UNC13B: variants seen among roughly 807,000 people sequenced by gnomAD.
UNC13B encodes the protein unc-13 homolog B, also known as protein unc-13 homolog B.
In UNC13B, 144 loss-of-function variants were observed where a neutral mutation model predicts 211.0. The observed-to-expected ratio is 0.68, with a 90% CI of 0.60 to 0.78. The LOEUF (loss-of-function observed/expected upper bound fraction) is 0.78. Among genes scored for constraint, UNC13B ranks in the 30% least tolerant of loss-of-function variants. The probability of loss-of-function intolerance (pLI) is 0.00; values close to 1 mark genes in which losing one functional copy is unlikely to be tolerated. For synonymous variants in UNC13B, 709 were observed against 725.8 expected (o/e 0.98, Z 0.37); for missense variants, 1,777 against 2,002.0 (o/e 0.89, Z 2.14).
intron 26 of UNC13B, 68 bp downstream of exon 26, chr9:35,390,782 C>T: frequency 6.9e-7 from 1 of 1,447,174 alleles, no homozygotes; most frequent in South Asian, 1.2e-5. Context: ...CTGTCCCTTT[C>T]CTCTTCTAGA....
At chr9:35,260,253 C>A (rs1205652541) in intron 7 of UNC13B, among the ~76,000 whole-genome samples, 1 of 151,926 alleles carries the variant, frequency 6.6e-6, no homozygotes, top group Non-Finnish European at 1.5e-5. Flanking sequence ...GCAGCTAACA[C>A]TATTGAGGTC....
intron 1 of UNC13B, among the ~76,000 whole-genome samples, chr9:35,193,085 C>A (rs1482570397): frequency 6.6e-6 from 1 of 152,146 alleles, no homozygotes; most frequent in African/African-American, 2.4e-5. Context: ...AAGTCCTCTG[C>A]CTGTGATTTC....
At chr9:35,223,999 A>T (rs1355398161) in intron 1 of UNC13B, among the ~76,000 whole-genome samples, 1 of 152,168 alleles carries the variant, frequency 6.6e-6, no homozygotes, top group Middle Eastern at 3.4e-3. Context: ...ATTCTATTCC[A>T]TTGGCTTGTG....
chr9:35,176,023 C>A (rs565781744), intron 1 of UNC13B, among the ~76,000 whole-genome samples: 486 of 39,304 alleles, frequency 0.012, no homozygotes, highest in Middle Eastern at 0.054. Context: ...AAGACTCTGT[C>A]TCAAAAAAAA....
At chr9:35,295,971 A>C (rs1366589998) in intron 8 of UNC13B, 41 bp downstream of exon 8, 7 of 1,538,050 alleles carry the variant, frequency 4.6e-6, no homozygotes. Context: ...CCTAATATCC[A>C]GGTCTCATGA....
chr9:35,199,242 C>T (rs1434971342), intron 1 of UNC13B, among the ~76,000 whole-genome samples: 1 of 152,150 alleles, frequency 6.6e-6, no homozygotes, highest in Non-Finnish European at 1.5e-5. Context: ...CGATCTATCA[C>T]TGATGGACAT....
At chr9:35,269,456 G>T (rs1169614889) in intron 7 of UNC13B, among the ~76,000 whole-genome samples, 1 of 152,134 alleles carries the variant, frequency 6.6e-6, no homozygotes, top group Non-Finnish European at 1.5e-5. Flanking sequence ...AAACCCCTTT[G>T]GCTGGGGTTT....
chr9:35,297,250 G>A (rs560221282), intron 8 of UNC13B, among the ~76,000 whole-genome samples: 28 of 151,736 alleles, frequency 1.8e-4, no homozygotes, highest in Middle Eastern at 3.4e-3. Context: ...CACCATGCCC[G>A]GCTAATTTTT....
chr9:35,389,712 T>C, intron 24 of UNC13B, 134 bp from the exon 25 acceptor site: 1 of 897,918 alleles, frequency 1.1e-6, no homozygotes, highest in Non-Finnish European at 1.7e-6. Context: ...GAAGACAGGC[T>C]CTAGGAGAGG....
intron 1 of UNC13B, among the ~76,000 whole-genome samples, chr9:35,204,213 G>A (rs1360797586): frequency 6.6e-6 from 1 of 152,236 alleles, no homozygotes; most frequent in Admixed American, 6.5e-5. Flanking sequence ...TGAGGCTTGG[G>A]AGCCTCCATC....
intron 3 of UNC13B, among the ~76,000 whole-genome samples, chr9:35,233,506 A>G (rs2131514874): frequency 2.0e-5 from 3 of 151,694 alleles, no homozygotes; most frequent in Middle Eastern, 6.8e-3. Flanking sequence ...ATCCTGTCCT[A>G]TTTTAGTTAT....
At chr9:35,214,658 G>A (rs540343973) in intron 1 of UNC13B, among the ~76,000 whole-genome samples, 4 of 152,138 alleles carry the variant, frequency 2.6e-5, no homozygotes, top group East Asian at 3.9e-4. Context: ...GTTAATAGAA[G>A]TTCTCTAGGG....
In UNC13B at chr9:35,304,331, G is replaced by A. The variant is rs750689427; in HGVS notation, c.4927G>A (p.Asp1643Asn). ...VLKESSCDQSDQPLDFSGYNR... is the reference protein window; with the variant it reads ...VLKESSCDQSNQPLDFSGYNR... ...TAAAGAGTCAAGTTGTGACCAAAGCGATCAGCCACTAGATTTTTCAGGCTA... is the reference window on the plus strand; with the variant it reads ...TAAAGAGTCAAGTTGTGACCAAAGCAATCAGCCACTAGATTTTTCAGGCTA... The change falls in exon 9 of 40, where the codon GAT becomes AAT. Residue 1643 changes from aspartate to asparagine, a missense_variant. Transcript: ENST00000635942. The A allele has an allele frequency of 2.8e-5, 11 of 398,608 alleles. No individual in the cohort carries two copies. The Middle Eastern group carries it at 1.9e-3, about 69-fold the overall frequency. The allele number at this position is 398,608 out of a possible 1,614,324, so 24.7% of individuals were successfully genotyped here.
At chr9:35,323,499 C>G (rs1012548276) in intron 11 of UNC13B, among the ~76,000 whole-genome samples, 3 of 152,184 alleles carry the variant, frequency 2.0e-5, no homozygotes, top group Admixed American at 6.5e-5. Flanking sequence ...AAGCCCTACC[C>G]AAGAACAGGC....
chr9:35,353,928 T>A (rs868633722), intron 11 of UNC13B: 1 of 549,582 alleles, frequency 1.8e-6, no homozygotes, highest in Non-Finnish European at 2.7e-6. Flanking sequence ...GTCCATAGCT[T>A]GAATCAGGCT....
intron 34 of UNC13B, 28 bp from the exon 35 acceptor site, chr9:35,399,364 G>T (rs1302565191): frequency 1.2e-6 from 2 of 1,614,076 alleles, no homozygotes; most frequent in Admixed American, 1.7e-5. Context: ...GGGGTCCTCT[G>T]CTTTTGACTG....
At chr9:35,176,319 G>C (rs965071345) in intron 1 of UNC13B, among the ~76,000 whole-genome samples, 1 of 151,948 alleles carries the variant, frequency 6.6e-6, no homozygotes, top group African/African-American at 2.4e-5. Context: ...AGGCTGAGGC[G>C]GGTAGATCAC....
intron 7 of UNC13B, among the ~76,000 whole-genome samples, chr9:35,295,286 G>T (rs986675566): frequency 3.9e-5 from 6 of 152,020 alleles, no homozygotes; most frequent in South Asian, 2.1e-4. Flanking sequence ...TTTTCCCCAA[G>T]ATATGAAAAA....
chr9:35,358,230 A>G (rs1264886115), intron 11 of UNC13B, among the ~76,000 whole-genome samples: 1 of 152,186 alleles, frequency 6.6e-6, no homozygotes, highest in Non-Finnish European at 1.5e-5. Flanking sequence ...CATTGCTTCC[A>G]CCTTTTGGCT....
Sources: gnomAD v4.1 joint callset for allele counts (sites outside exome capture counted in the v4.1 genomes callset) on GRCh38, gnomAD v4.1.1 for gene constraint, MANE v1.5 for transcripts, NCBI Gene and HGNC (gene_info 2026-07-23, HGNC 2026-07-21) for gene names.